The following ABAT variants were observed in gnomAD, a reference collection of about 807,000 sequenced individuals.
ABAT encodes 4-aminobutyrate aminotransferase, mitochondrial.
Under a neutral mutation model 64.6 loss-of-function variants are expected in ABAT, and 45 were observed. The ratio of observed to expected loss-of-function variants is 0.70; its 90% CI spans 0.55 to 0.89. The LOEUF (loss-of-function observed/expected upper bound fraction) is 0.89, where lower values mean the gene tolerates loss of function less well. ABAT is among the 40% of genes least tolerant of loss of function. The pLI is 0.00. For missense variants in ABAT, 633 were observed against 658.4 expected (o/e 0.96, Z 0.42); for synonymous variants, 297 against 250.5 (o/e 1.19, Z -1.75).
intron 1 of ABAT, among the ~76,000 whole-genome samples, chr16:8,697,563 T>C (rs1489549346): frequency 6.6e-6 from 1 of 152,126 alleles, no homozygotes; most frequent in Non-Finnish European, 1.5e-5. Context: ...TCCAAGCCTT[T>C]GGAATCATGT....
chr16:8,692,890 G>A (rs769136620), intron 1 of ABAT, among the ~76,000 whole-genome samples: 15 of 152,178 alleles, frequency 9.9e-5, no homozygotes, highest in Admixed American at 4.6e-4. Context: ...GCCTCACTCT[G>A]TTGCCCAGGC....
intron 1 of ABAT, among the ~76,000 whole-genome samples, chr16:8,684,662 G>T (rs558042837): frequency 2.0e-5 from 3 of 150,666 alleles, no homozygotes; most frequent in African/African-American, 7.3e-5. Flanking sequence ...GAGCCAGGCT[G>T]CACTGAGCCA....
chr16:8,764,173 A>C lies in ABAT; in HGVS notation c.447+24A>C. 6.3e-7 allele frequency: 1 copy of C among 1,599,498 alleles called. No individual in the cohort carries two copies. The highest frequency in any genetic ancestry group is 8.6e-7 in the Non-Finnish European group (1 of 1,168,110). ...CGGTGAGTTCTGGAGAAGCAATCCC[A>C]TTGTCTTCAGACGTGGTACTGGCAG... On this transcript the variant is annotated intron_variant, in intron 7 of 15. Coordinates refer to ENST00000268251, the MANE Select transcript of ABAT (RefSeq NM_020686.6). This position sits in a 1 kb window ranked among gnomAD's most constrained non-coding sequence, Gnocchi z 4.2.
At position 8,781,552 on chromosome 16, in the gene ABAT, G is replaced by T. The variant is rs2060440152; in HGVS notation, c.*122G>T. The stretch of plus-strand genomic sequence containing the variant: ...GTGAATGCACAGTGAAGGGTGATTT[G>T]TGGGGAGGGAGCATTTTTGGTGGTC... On this transcript the variant is annotated 3_prime_UTR_variant, in exon 16 of 16. Coordinates refer to ENST00000268251, the MANE Select transcript of ABAT (RefSeq NM_020686.6). This position sits in a 1 kb window ranked among gnomAD's most constrained non-coding sequence, Gnocchi z 4.5. 1.4e-6 allele frequency: 2 copies of T among 1,410,884 alleles called. No homozygotes were observed. Among genetic ancestry groups the T allele is most frequent in the Non-Finnish European group, 9.8e-7 (1 of 1,018,826 alleles). The allele number at this position is 1,410,884 out of a possible 1,614,324, so 87.4% of individuals were successfully genotyped here. A position where few individuals can be genotyped will look rare whatever the true frequency, so the allele number is the denominator to read the frequency against.
chr16:8,706,852 A>C (rs919490134), intron 1 of ABAT, among the ~76,000 whole-genome samples: 1 of 152,250 alleles, frequency 6.6e-6, no homozygotes, highest in African/African-American at 2.4e-5. Context: ...CTGAAGAGAT[A>C]ACATGGAGTG....
At chr16:8,717,843 T>C (rs2058255693) in intron 1 of ABAT, among the ~76,000 whole-genome samples, 1 of 151,848 alleles carries the variant, frequency 6.6e-6, no homozygotes, top group African/African-American at 2.4e-5. Flanking sequence ...CTTTTAGAGA[T>C]GGGGTCTCGC....
chr16:8,751,072 C>T (rs1254646927), intron 5 of ABAT, among the ~76,000 whole-genome samples: 2 of 151,712 alleles, frequency 1.3e-5, no homozygotes, highest in Non-Finnish European at 2.9e-5. Context: ...CCTCAGCCTC[C>T]CAAGTAGCTG....
chr16:8,749,876 G>A (rs1461877543), intron 4 of ABAT, among the ~76,000 whole-genome samples: 1 of 151,908 alleles, frequency 6.6e-6, no homozygotes, highest in Admixed American at 6.6e-5. Flanking sequence ...ACCACGCCTG[G>A]CTAATTTTTG....
Position 8,764,060 on chromosome 16 carries a change from C to T in ABAT, c.367-9C>T. 1 of 1,613,700 alleles carries T rather than the reference C, an allele frequency of 6.2e-7. No homozygotes were observed. Among genetic ancestry groups the T allele is most frequent in the Non-Finnish European group, 8.5e-7 (1 of 1,179,824 alleles). On this transcript the variant is annotated splice_polypyrimidine_tract_variant and intron_variant, in intron 6 of 15. Coordinates refer to ENST00000268251, the MANE Select transcript of ABAT (RefSeq NM_020686.6). This position sits in a 1 kb window ranked among gnomAD's most constrained non-coding sequence, Gnocchi z 4.2. ...CAGAAGTCACCATTTGTCTCTTGCCCTTTTGCAGAGCATGTTTGTCAACAG... is the reference window on the plus strand; with the variant it reads ...CAGAAGTCACCATTTGTCTCTTGCCTTTTTGCAGAGCATGTTTGTCAACAG...
intron 1 of ABAT, among the ~76,000 whole-genome samples, chr16:8,733,481 G>T (rs919967531): frequency 6.6e-6 from 1 of 151,872 alleles, no homozygotes. Context: ...CAAGGCAGGC[G>T]GCTGGGAGGT....
intron 2 of ABAT, among the ~76,000 whole-genome samples, chr16:8,743,985 C>A (rs2142576725): frequency 6.6e-6 from 1 of 152,182 alleles, no homozygotes; most frequent in East Asian, 1.9e-4. Flanking sequence ...ATCAGCAAGG[C>A]TTGGGCTTGA....
chr16:8,768,096 C>T lies in ABAT; in HGVS notation c.604-97C>T, dbSNP rs2059997496. The stretch of plus-strand genomic sequence containing the variant: ...TGCCTGAGAAGGATTCCTGGTTCTT[C>T]TGATAGATTTCTGTGTCCCTCTGGA... On this transcript the variant is annotated intron_variant, in intron 9 of 15. Transcript: ENST00000268251. 7 of 1,321,398 alleles carry T rather than the reference C, an allele frequency of 5.3e-6. No homozygotes were observed. The South Asian group carries it at 7.2e-5, about 14-fold the overall frequency. 81.9% of individuals were successfully genotyped at this position (1,321,398 alleles called of 1,614,324 possible).
chr16:8,702,645 C>A (rs2057850633), intron 1 of ABAT, among the ~76,000 whole-genome samples: 3 of 152,174 alleles, frequency 2.0e-5, no homozygotes. Flanking sequence ...AGCCCACCCC[C>A]ATGATCCAGT....
chr16:8,737,367 C>G (rs900730737), intron 2 of ABAT: 2 of 151,966 alleles, frequency 1.3e-5, no homozygotes, highest in African/African-American at 4.8e-5. Context: ...ATCCCAACTA[C>G]TCAGCAGGCT....
intron 1 of ABAT, among the ~76,000 whole-genome samples, chr16:8,733,633 C>G (rs977896790): frequency 6.6e-6 from 1 of 151,898 alleles, no homozygotes; most frequent in African/African-American, 2.4e-5. Flanking sequence ...GGCTGGAGAC[C>G]GGCCTGGCCA....
chr16:8,732,196 GTTTTTTTTTTTTGT>G lies in ABAT; in HGVS notation c.-41-3500_-41-3487del, dbSNP rs1257988388. Among the ~76,000 whole-genome samples the G allele has an allele frequency of 5.3e-4, 10 of 18,734 alleles. 1 individual carries two copies. Among genetic ancestry groups the G allele is most frequent in the African/African-American group, 1.0e-3 (10 of 9,604 alleles). The allele number at this position is 18,734 out of a possible 152,430, so 12.3% of individuals were successfully genotyped here. On this transcript the variant is annotated intron_variant, in intron 1 of 15. Transcript: ENST00000268251. Reference sequence around the variant, plus strand: ...AGGTTGACTACTTTAGGTTTTTTTTGTTTTTTTTTTTTGTTTGTTTGTTTTTTTAATTTATTTAT... The same window carrying G: ...AGGTTGACTACTTTAGGTTTTTTTTGTTGTTTGTTTTTTTAATTTATTTAT...
chr16:8,736,838 C>G (rs924025184), intron 2 of ABAT: 19 of 152,418 alleles, frequency 1.2e-4, no homozygotes, highest in Admixed American at 5.2e-4. Flanking sequence ...ATGCTAACTA[C>G]TCCTCCGTGT....
At chr16:8,759,042 C>A (rs554279396) in intron 6 of ABAT, among the ~76,000 whole-genome samples, 1 of 152,104 alleles carries the variant, frequency 6.6e-6, no homozygotes, top group Admixed American at 6.5e-5. Context: ...GTGGAGGTTG[C>A]AGTGAGCTGA....
chr16:8,745,691 C>G (rs1468746455), intron 2 of ABAT, among the ~76,000 whole-genome samples: 1 of 151,812 alleles, frequency 6.6e-6, no homozygotes, highest in Non-Finnish European at 1.5e-5. Flanking sequence ...GAGCAAGACT[C>G]TGTCTCAAAA....
Sources: allele counts gnomAD v4.1 joint callset (sites outside exome capture counted in the v4.1 genomes callset), GRCh38; gene constraint gnomAD v4.1.1; non-coding constraint Gnocchi (gnomAD v3.1); transcripts MANE v1.5; gene names NCBI Gene and HGNC (gene_info 2026-07-23, HGNC 2026-07-21).